The following MEIKIN variants were observed in gnomAD, a reference collection of about 807,000 sequenced individuals.
MEIKIN encodes the protein meiotic kinetochore factor, also known as meiosis-specific kinetochore protein.
chr5:131,936,867 G>A (rs373631743), intron 4 of MEIKIN, among the ~76,000 whole-genome samples: 7 of 151,982 alleles, frequency 4.6e-5, no homozygotes, highest in Non-Finnish European at 8.8e-5. Flanking sequence ...CACAGCGCCC[G>A]GCCTTGTTCC....
intron 12 of MEIKIN, among the ~76,000 whole-genome samples, chr5:131,817,939 T>C (rs1471674235): frequency 6.6e-6 from 1 of 152,108 alleles, no homozygotes; most frequent in African/African-American, 2.4e-5. Context: ...TGAAGCATAG[T>C]GAGGGGAGAT....
intron 9 of MEIKIN, among the ~76,000 whole-genome samples, chr5:131,866,561 C>A (rs779866983): frequency 1.6e-4 from 25 of 152,306 alleles, no homozygotes; most frequent in Admixed American, 3.3e-4. Flanking sequence ...CTGAAAGGGA[C>A]TGGCTTCATC....
At chr5:131,941,595 T>A (rs1751871451) in intron 4 of MEIKIN, among the ~76,000 whole-genome samples, 1 of 152,116 alleles carries the variant, frequency 6.6e-6, no homozygotes, top group Non-Finnish European at 1.5e-5. Flanking sequence ...CTTTTAAGAA[T>A]TCCTCTGTAT....
At chr5:131,933,459 A>G in intron 5 of MEIKIN, 54 bp downstream of exon 5, 1 of 394,722 alleles carries the variant, frequency 2.5e-6, no homozygotes, top group South Asian at 1.3e-4. Flanking sequence ...GGATTTGTGG[A>G]CAAAAGAATA....
intron 5 of MEIKIN, among the ~76,000 whole-genome samples, chr5:131,923,459 GTTC>G (rs1411520750): frequency 6.7e-6 from 1 of 150,172 alleles, no homozygotes; most frequent in Non-Finnish European, 1.5e-5. Context: ...TTCATATACT[GTTC>G]TTCTATCTTA....
intron 8 of MEIKIN, among the ~76,000 whole-genome samples, chr5:131,898,559 G>A (rs748951963): frequency 6.6e-6 from 1 of 152,226 alleles, no homozygotes; most frequent in Non-Finnish European, 1.5e-5. Context: ...AGTAAGCCTT[G>A]CTGAGCTGCG....
chr5:131,846,020 G>A (rs1157419135), intron 11 of MEIKIN, among the ~76,000 whole-genome samples: 4 of 152,150 alleles, frequency 2.6e-5, no homozygotes, highest in African/African-American at 9.7e-5. Flanking sequence ...AATCCTGAAA[G>A]CAGCAAGAGA....
At chr5:131,819,527 T>C (rs1160828206) in intron 11 of MEIKIN, among the ~76,000 whole-genome samples, 1 of 151,746 alleles carries the variant, frequency 6.6e-6, no homozygotes, top group Non-Finnish European at 1.5e-5. Context: ...TCTTGTTTTT[T>C]AGAATTAAGA....
At chr5:131,864,175 A>G (rs1750342591) in intron 9 of MEIKIN, among the ~76,000 whole-genome samples, 1 of 152,094 alleles carries the variant, frequency 6.6e-6, no homozygotes, top group African/African-American at 2.4e-5. Context: ...TTTATCATTG[A>G]TATGTCATGC....
chr5:131,831,920 C>T (rs781480653), intron 11 of MEIKIN, among the ~76,000 whole-genome samples: 7 of 152,106 alleles, frequency 4.6e-5, no homozygotes, highest in Non-Finnish European at 8.8e-5. Flanking sequence ...AATTACCTCC[C>T]CTGGGTCCCT....
intron 8 of MEIKIN, among the ~76,000 whole-genome samples, chr5:131,897,037 T>C (rs980266749): frequency 6.6e-6 from 1 of 152,232 alleles, no homozygotes; most frequent in Non-Finnish European, 1.5e-5. Flanking sequence ...CTCCTTTCCA[T>C]GTTTCATGCT....
intron 8 of MEIKIN, among the ~76,000 whole-genome samples, chr5:131,908,043 C>G (rs1751271887): frequency 6.6e-6 from 1 of 151,710 alleles, no homozygotes; most frequent in African/African-American, 2.4e-5. Flanking sequence ...CAAACTGTTC[C>G]AAAAAATAGA....
intron 11 of MEIKIN, among the ~76,000 whole-genome samples, chr5:131,825,976 A>G (rs1451421652): frequency 6.6e-6 from 1 of 152,242 alleles, no homozygotes; most frequent in African/African-American, 2.4e-5. Context: ...AAGAAAAACT[A>G]TCTTTCAAGA....
intron 8 of MEIKIN, among the ~76,000 whole-genome samples, chr5:131,879,308 A>G (rs1445130630): frequency 6.6e-6 from 1 of 152,192 alleles, no homozygotes; most frequent in African/African-American, 2.4e-5. Context: ...GTTAGTAGGG[A>G]AAGTCGCATG....
At chr5:131,824,279 C>A (rs1749571337) in intron 11 of MEIKIN, among the ~76,000 whole-genome samples, 1 of 151,900 alleles carries the variant, frequency 6.6e-6, no homozygotes, top group Non-Finnish European at 1.5e-5. Context: ...CTTTGGGAGG[C>A]CAAAGTGGGA....
chr5:131,843,649 T>G (rs954727491), intron 11 of MEIKIN, among the ~76,000 whole-genome samples: 4 of 152,206 alleles, frequency 2.6e-5, no homozygotes, highest in African/African-American at 9.6e-5. Flanking sequence ...CAGCTCCCAA[T>G]AAGTTCCTCA....
intron 11 of MEIKIN, among the ~76,000 whole-genome samples, chr5:131,839,121 T>C (rs562013420): frequency 2.6e-5 from 4 of 152,248 alleles, no homozygotes; most frequent in African/African-American, 7.2e-5. Context: ...CCAAATGTCA[T>C]TCAGGAACAG....
At chr5:131,879,160 CCT>C (rs1045735926) in intron 8 of MEIKIN, 112 bp from the exon 9 acceptor site, 5 of 391,696 alleles carry the variant, frequency 1.3e-5, no homozygotes, top group East Asian at 3.6e-5. Flanking sequence ...TTGTAAAACC[CCT>C]GATTTTAATG....
chr5:131,900,203 A>C (rs575411986), intron 8 of MEIKIN, among the ~76,000 whole-genome samples: 1 of 152,246 alleles, frequency 6.6e-6, no homozygotes, highest in African/African-American at 2.4e-5. Context: ...AAGTTGGCTG[A>C]CTAGACACAG....
Sources: gnomAD v4.1 joint callset for allele counts (sites outside exome capture counted in the v4.1 genomes callset) on GRCh38, gnomAD v4.1.1 for gene constraint, MANE v1.5 for transcripts, NCBI Gene and HGNC (gene_info 2026-07-23, HGNC 2026-07-21) for gene names.